Variants in HEXD observed in about 807,000 individuals in gnomAD.
The protein encoded by HEXD is N-acetyl-beta-galactosaminidase.
Under a neutral mutation model 54.2 loss-of-function variants are expected in HEXD, and 47 were observed. The observed-to-expected ratio is 0.87, with a 90% CI of 0.69 to 1.11. The LOEUF is 1.11. Among genes scored for constraint, HEXD ranks in the 50% least tolerant of loss-of-function variants. The probability of loss-of-function intolerance (pLI) is 0.00; values close to 1 mark genes in which losing one functional copy is unlikely to be tolerated. For synonymous variants in HEXD, 293 were observed against 287.6 expected (o/e 1.02, Z -0.19); for missense variants, 576 against 649.2 (o/e 0.89, Z 1.23).
Position 82,435,576 on chromosome 17 carries a change from G to A in HEXD, c.448-113G>A, listed in dbSNP as rs367620169. On this transcript the variant is annotated intron_variant, in intron 5 of 12. Coordinates refer to ENST00000327949, the MANE Select transcript of HEXD (RefSeq NM_001330542.2). ...AGCAAAGGCTCCGAGCCCCTCCCTG[G>A]CCTCCTCCCCACAGGCAGCGGCCCC... The A allele has an allele frequency of 2.7e-4, 290 of 1,061,888 alleles. 1 individual carries two copies. In the African/African-American group the frequency reaches 4.1e-3, roughly 15 times the overall value. The allele number at this position is 1,061,888 out of a possible 1,614,324, so 65.8% of individuals were successfully genotyped here.
chr17:82,440,276 C>T lies in HEXD; in HGVS notation c.982+563C>T, dbSNP rs142214803. The stretch of plus-strand genomic sequence containing the variant: ...GTGCTGATGCAGAAAGAAAAATGGC[C>T]GAGACGCGCGGAGAGCGGGACCCGC... On this transcript the variant is annotated intron_variant, in intron 9 of 12. Coordinates refer to ENST00000327949, the MANE Select transcript of HEXD (RefSeq NM_001330542.2). The T allele has an allele frequency of 4.1e-4, 531 of 1,285,198 alleles. 3 individuals carry two copies. The African/African-American group carries it at 7.2e-3, about 17-fold the overall frequency. 79.6% of individuals were successfully genotyped at this position (1,285,198 alleles called of 1,614,324 possible).
At position 82,419,183 on chromosome 17, in the gene HEXD, A is replaced by G. The variant is rs193205132; in HGVS notation, c.-52+443A>G. On this transcript the variant is annotated intron_variant, in intron 1 of 12. Transcript: ENST00000327949. ...CCCTTGGATGCCGCCTTTATTCAGTATAATACTACGGTCAGCTCTGATGCA... is the reference window on the plus strand; with the variant it reads ...CCCTTGGATGCCGCCTTTATTCAGTGTAATACTACGGTCAGCTCTGATGCA... 3.3e-5 allele frequency among the ~76,000 whole-genome samples: 5 copies of G among 152,326 alleles called. No homozygotes were observed. In the East Asian group the frequency reaches 9.7e-4, roughly 29 times the overall value.
chr17:82,432,917 T>A (rs2143531946), intron 4 of HEXD, among the ~76,000 whole-genome samples: 1 of 146,386 alleles, frequency 6.8e-6, no homozygotes, highest in African/African-American at 2.5e-5. Flanking sequence ...AATACAAAAA[T>A]TAGCCGGGCG....
At chr17:82,435,595 C>T (rs886634112) in intron 5 of HEXD, 94 bp from the exon 6 acceptor site, 28 of 1,280,116 alleles carry the variant, frequency 2.2e-5, no homozygotes, top group African/African-American at 5.9e-5. Context: ...CCACAGGCAG[C>T]GGCCCCTCTC....
rs182856739 is a variant in HEXD, at chr17:82,429,407, G to A, written c.282+762G>A. 2.5e-3 allele frequency among the ~76,000 whole-genome samples: 383 copies of A among 152,012 alleles called. 3 individuals are homozygous for A. Among genetic ancestry groups the A allele is most frequent in the African/African-American group, 8.7e-3 (360 of 41,438 alleles). On this transcript the variant is annotated intron_variant, in intron 4 of 12. Coordinates refer to ENST00000327949, the MANE Select transcript of HEXD (RefSeq NM_001330542.2). Reference sequence around the variant, plus strand: ...ATTCTGGCTTCTATTTCCACACACCGCGGGTAAGAAGGTTGTTTTCACTTA... The same window carrying A: ...ATTCTGGCTTCTATTTCCACACACCACGGGTAAGAAGGTTGTTTTCACTTA...
chr17:82,433,143 TTA>T lies in HEXD; in HGVS notation c.283-505_283-504del, dbSNP rs1491266948. 2.9e-3 allele frequency among the ~76,000 whole-genome samples: 161 copies of T among 55,382 alleles called. 2 individuals carry two copies. Among genetic ancestry groups the T allele is most frequent in the Non-Finnish European group, 3.4e-3 (113 of 32,930 alleles). 36.3% of individuals were successfully genotyped at this position (55,382 alleles called of 152,430 possible). On this transcript the variant is annotated intron_variant, in intron 4 of 12. Transcript: ENST00000327949. ...ATATATATATATTTTTTTTTTTTTT[TTA>T]TATATATATTTTTAGTCTGGGCGTG... is the stretch of plus-strand genomic sequence containing the variant.
intron 2 of HEXD, 66 bp downstream of exon 2, chr17:82,419,949 G>C: frequency 9.3e-7 from 1 of 1,079,182 alleles, no homozygotes; most frequent in East Asian, 2.5e-5. Context: ...AAAGTTTTGA[G>C]CAGTGTTCTG....
chr17:82,439,054 G>A (rs1232203731), intron 8 of HEXD, among the ~76,000 whole-genome samples: 1 of 152,266 alleles, frequency 6.6e-6, no homozygotes, highest in Non-Finnish European at 1.5e-5. Context: ...GCAGGTGGAG[G>A]CACCCTACCC....
At chr17:82,436,480 C>T (rs1056946823) in intron 6 of HEXD, among the ~76,000 whole-genome samples, 187 bp from the exon 7 acceptor site, 10 of 152,232 alleles carry the variant, frequency 6.6e-5, no homozygotes, top group South Asian at 4.1e-4. Context: ...GTCGCTCCAG[C>T]GGGCGCTGGC....
intron 2 of HEXD, 143 bp from the exon 3 acceptor site, chr17:82,424,251 G>A: frequency 6.1e-6 from 4 of 660,728 alleles, no homozygotes; most frequent in South Asian, 3.5e-5. Context: ...TACACATTCC[G>A]GATTTAAGGT....
At position 82,424,523 on chromosome 17, in the gene HEXD, G is replaced by A. The variant is rs757264467; in HGVS notation, c.194+20G>A. 1.3e-5 allele frequency: 20 copies of A among 1,557,416 alleles called. No individual in the cohort carries two copies. The highest frequency in any genetic ancestry group is 1.7e-5 in the Non-Finnish European group (19 of 1,129,486). On this transcript the variant is annotated intron_variant, in intron 3 of 12. Transcript: ENST00000327949. Reference sequence around the variant, plus strand: ...CTACAGGTAACACTGCCCGTGGCAGGTACAGGGGCGCGGCGTGAAAGCGGG... The same window carrying A: ...CTACAGGTAACACTGCCCGTGGCAGATACAGGGGCGCGGCGTGAAAGCGGG...
In HEXD at chr17:82,442,273, C is replaced by T. The variant is rs766620224; in HGVS notation, c.1350C>T (p.Asn450=). 4.4e-6 allele frequency: 7 copies of T among 1,606,924 alleles called. No individual in the cohort carries two copies. In the East Asian group the frequency reaches 6.7e-5, roughly 15 times the overall value. Residue 450 remains asparagine, a synonymous_variant, in exon 13 of 13, where the codon AAC becomes AAT. Coordinates refer to ENST00000327949, the MANE Select transcript of HEXD (RefSeq NM_001330542.2). This position sits in a 1 kb window ranked among gnomAD's most constrained non-coding sequence, Gnocchi z 6.8. ...CCGTGGAGGAGTGGCTGGAGGAAAA[C>T]GTGCACCCCAGCCTGCAGCGGCTGC... is the stretch of plus-strand genomic sequence containing the variant. ...PDAVEEWLEE[N]VHPSLQRLQA...
chr17:82,441,878 C>G lies in HEXD; in HGVS notation c.1242C>G (p.Pro414=). ...CGGTCATGGTTCAGCACATCCAGCC[C>G]GCAGCGCTCAGGTGAGGCCCTGGGC... ...IHPVMVQHIQ[P]AALSLLAQWS... Residue 414 remains proline, a synonymous_variant, in exon 12 of 13, where the codon CCC becomes CCG. Coordinates refer to ENST00000327949, the MANE Select transcript of HEXD (RefSeq NM_001330542.2). 1 of 1,613,168 alleles carries G rather than the reference C, an allele frequency of 6.2e-7. No homozygotes were observed. The highest frequency in any genetic ancestry group is 8.5e-7 in the Non-Finnish European group (1 of 1,179,962).
intron 3 of HEXD, 50 bp downstream of exon 3, chr17:82,424,553 G>C (rs554195976): frequency 1.5e-5 from 20 of 1,369,248 alleles, no homozygotes; most frequent in Middle Eastern, 1.8e-4. Context: ...AGCGGGGAAG[G>C]GGGGGTTCCG....
In HEXD at chr17:82,442,544, G is replaced by A; in HGVS notation, c.*160G>A. 6.3e-7 allele frequency: 1 copy of A among 1,587,198 alleles called. No homozygotes were observed. The highest frequency in any genetic ancestry group is 8.6e-7 in the Non-Finnish European group (1 of 1,158,084). Reference sequence around the variant, plus strand: ...AGGGCCCTGGGCAGCCCCTGGGGGAGAGACTAGAAAACACAGAAGGAAGCA... The same window carrying A: ...AGGGCCCTGGGCAGCCCCTGGGGGAAAGACTAGAAAACACAGAAGGAAGCA... On this transcript the variant is annotated 3_prime_UTR_variant, in exon 13 of 13. Coordinates refer to ENST00000327949, the MANE Select transcript of HEXD (RefSeq NM_001330542.2). This position sits in a 1 kb window ranked among gnomAD's most constrained non-coding sequence, Gnocchi z 6.8.
Position 82,440,985 on chromosome 17 carries a change from T to C in HEXD, c.983-12T>C. 6.2e-7 allele frequency: 1 copy of C among 1,612,950 alleles called. No individual in the cohort carries two copies. Among genetic ancestry groups the C allele is most frequent in the Non-Finnish European group, 8.5e-7 (1 of 1,179,722 alleles). On this transcript the variant is annotated splice_polypyrimidine_tract_variant and intron_variant, in intron 9 of 12. Coordinates refer to ENST00000327949, the MANE Select transcript of HEXD (RefSeq NM_001330542.2). Reference sequence around the variant, plus strand: ...AGGCCCCTCCAACCGCCCCGCTCATTTGTGATTTCAGGAGGATTTGATGAA... The same window carrying C: ...AGGCCCCTCCAACCGCCCCGCTCATCTGTGATTTCAGGAGGATTTGATGAA...
intron 5 of HEXD, among the ~76,000 whole-genome samples, chr17:82,435,011 G>A (rs902850826): frequency 1.3e-5 from 2 of 151,872 alleles, no homozygotes; most frequent in Non-Finnish European, 1.5e-5. Context: ...CAGGTGTGGT[G>A]GTGGGCGCCT....
intron 4 of HEXD, among the ~76,000 whole-genome samples, chr17:82,433,126 A>ATTTTT (rs1383900967): frequency 1.5e-4 from 2 of 13,546 alleles, no homozygotes; most frequent in Admixed American, 1.3e-3. Context: ...ATATATATAT[A>ATTTTT]TATTTTTTTT....
intron 9 of HEXD, chr17:82,440,670 T>C (rs2053909802): frequency 4.9e-6 from 2 of 410,606 alleles, no homozygotes. Flanking sequence ...AGTGGCAAAC[T>C]CTGCGTGAGC....
Sources: allele counts gnomAD v4.1 joint callset (sites outside exome capture counted in the v4.1 genomes callset), GRCh38; gene constraint gnomAD v4.1.1; non-coding constraint Gnocchi (gnomAD v3.1); transcripts MANE v1.5; gene names NCBI Gene and HGNC (gene_info 2026-07-23, HGNC 2026-07-21).